TSPEAR: variants seen among roughly 807,000 people sequenced by gnomAD.
TSPEAR encodes the protein thrombospondin-type laminin G domain and EAR repeat-containing protein.
Under a neutral mutation model 71.6 loss-of-function variants are expected in TSPEAR, and 69 were observed. The observed-to-expected ratio is 0.96, with a 90% CI of 0.79 to 1.18. The LOEUF (loss-of-function observed/expected upper bound fraction) is 1.18. Ranked by LOEUF, TSPEAR falls within the 50% of genes most tolerant of loss-of-function variation. The pLI is 0.00. For synonymous variants in TSPEAR, 402 were observed against 387.2 expected (o/e 1.04, Z -0.45); for missense variants, 971 against 894.9 (o/e 1.09, Z -1.09).
At chr21:44,592,004 A>G (rs1569206554) in intron 1 of TSPEAR, 1 of 1,607,666 alleles carries the variant, frequency 6.2e-7, no homozygotes, top group Non-Finnish European at 8.5e-7. Context: ...ACAGGCTTGC[A>G]GCAGACGGGC....
At chr21:44,578,379 A>C (rs1389579426) in intron 1 of TSPEAR, among the ~76,000 whole-genome samples, 3 of 152,264 alleles carry the variant, frequency 2.0e-5, no homozygotes, top group African/African-American at 4.8e-5. Context: ...TCAATTGAAG[A>C]GACTGGACTC....
intron 2 of TSPEAR, among the ~76,000 whole-genome samples, chr21:44,545,600 A>G (rs1569177739): frequency 6.6e-6 from 1 of 152,168 alleles, no homozygotes; most frequent in Non-Finnish European, 1.5e-5. Flanking sequence ...AGAAAATAAC[A>G]GAAGAAAAAC....
At chr21:44,550,890 G>A (rs113146284) in intron 2 of TSPEAR, 1 of 1,025,476 alleles carries the variant, frequency 9.8e-7, no homozygotes, top group African/African-American at 1.9e-5. Context: ...GCAGCAGACA[G>A]GCTTGCAGCA....
At chr21:44,571,405 C>G (rs458178) in intron 1 of TSPEAR, among the ~76,000 whole-genome samples, 104,740 of 152,194 alleles carry the variant, frequency 0.69, 37,158 homozygotes, top group Non-Finnish European at 0.78. Context: ...AGCACCAACA[C>G]GATTCTTAGT....
At chr21:44,652,047 G>A (rs1030647704) in intron 1 of TSPEAR, among the ~76,000 whole-genome samples, 54 of 146,818 alleles carry the variant, frequency 3.7e-4, no homozygotes, top group African/African-American at 8.4e-4. Context: ...GCAGTGGCGC[G>A]ATCTCGGCTC....
chr21:44,573,766 T>A (rs782104614), intron 1 of TSPEAR: 6 of 1,613,666 alleles, frequency 3.7e-6, no homozygotes, highest in South Asian at 3.3e-5. Flanking sequence ...ACCATGTCCG[T>A]CTGCTCCAGC....
chr21:44,643,938 C>G (rs1555939003), intron 1 of TSPEAR, among the ~76,000 whole-genome samples: 1 of 152,238 alleles, frequency 6.6e-6, no homozygotes, highest in African/African-American at 2.4e-5. Context: ...GGGCAGCCAG[C>G]CACGACGAAA....
chr21:44,502,899 G>A (rs1569147292), intron 11 of TSPEAR, among the ~76,000 whole-genome samples: 1 of 149,008 alleles, frequency 6.7e-6, no homozygotes. Context: ...TGAGCCCTCG[G>A]GGAAGTAAGG....
At chr21:44,681,827 T>A in intron 1 of TSPEAR, 1 of 1,604,802 alleles carries the variant, frequency 6.2e-7, no homozygotes. Flanking sequence ...GTCTGGAGAT[T>A]CATGCTCAGC....
chr21:44,518,334 T>G (rs1208821596), intron 9 of TSPEAR: 2 of 466,556 alleles, frequency 4.3e-6, no homozygotes, highest in African/African-American at 4.0e-5. Context: ...GCTGGCCAGG[T>G]ACGCTCTGGG....
At chr21:44,644,213 A>G (rs1232110982) in intron 1 of TSPEAR, among the ~76,000 whole-genome samples, 4 of 152,234 alleles carry the variant, frequency 2.6e-5, no homozygotes, top group African/African-American at 9.6e-5. Flanking sequence ...TCCATGATCC[A>G]AAAAGTCATG....
intron 1 of TSPEAR, among the ~76,000 whole-genome samples, chr21:44,708,605 T>C (rs1555952979): frequency 6.6e-6 from 1 of 152,208 alleles, no homozygotes. Context: ...CAGTGCCTTC[T>C]CCAGCTCCTG....
chr21:44,539,457 C>T lies in TSPEAR; in HGVS notation c.304-5534G>A, dbSNP rs587660261. 39 of 1,613,208 alleles carry T rather than the reference C, an allele frequency of 2.4e-5. No homozygotes were observed. The highest frequency in any genetic ancestry group is 1.5e-4 in the South Asian group (14 of 91,058). On this transcript the variant is annotated intron_variant, in intron 2 of 11. Transcript: ENST00000323084. Reference sequence around the variant, plus strand: ...CATACAGGGCGGCAGAGGAGGGACACGGAGGAGGAGGGTCTGCAGCAGGAG... The same window carrying T: ...CATACAGGGCGGCAGAGGAGGGACATGGAGGAGGAGGGTCTGCAGCAGGAG...
At position 44,509,370 on chromosome 21, in the gene TSPEAR, T is replaced by G; in HGVS notation, c.1583A>C (p.Asp528Ala). The part of the protein sequence containing the change: ...FQSFPTFGAA[D>A]WEVFQIGERI... ...CTCCCCGATCTGGAAGACCTCCCAGTCTGCAGCACCGAACGTCTAGGACCA... is the reference window on the plus strand; with the variant it reads ...CTCCCCGATCTGGAAGACCTCCCAGGCTGCAGCACCGAACGTCTAGGACCA... Residue 528 changes from aspartate to alanine, a missense_variant, in exon 10 of 12, where the codon GAC (aspartate) becomes GCC (alanine). Asp to Ala is a moderately radical substitution (Grantham distance 126). Transcript: ENST00000323084. The G allele has an allele frequency of 1.9e-6, 3 of 1,612,760 alleles. No homozygotes were observed. Among genetic ancestry groups the G allele is most frequent in the Non-Finnish European group, 2.5e-6 (3 of 1,179,738 alleles).
At chr21:44,569,625 G>A (rs1442787245) in intron 1 of TSPEAR, among the ~76,000 whole-genome samples, 1 of 152,170 alleles carries the variant, frequency 6.6e-6, no homozygotes, top group Non-Finnish European at 1.5e-5. Flanking sequence ...TTTAGGACAG[G>A]AGAATGTATT....
intron 1 of TSPEAR, among the ~76,000 whole-genome samples, chr21:44,707,000 C>T (rs1484529409): frequency 6.6e-6 from 1 of 152,258 alleles, no homozygotes; most frequent in Admixed American, 6.5e-5. Context: ...CCCGCTTTCA[C>T]GTCCGCCCCT....
intron 1 of TSPEAR, among the ~76,000 whole-genome samples, chr21:44,624,739 T>C (rs1221661860): frequency 1.3e-5 from 2 of 152,250 alleles, no homozygotes; most frequent in Non-Finnish European, 2.9e-5. Context: ...TATGTTTTTG[T>C]CTTCCAATTG....
rs1250037878 is a variant in TSPEAR at position 44,676,849 on chromosome 21, G to A, written c.82+34584C>T. 6.2e-5 allele frequency: 59 copies of A among 948,642 alleles called. 1 individual carries two copies. The highest frequency in any genetic ancestry group is 5.5e-4 in the South Asian group (43 of 78,034). The allele number at this position is 948,642 out of a possible 1,614,324, so 58.8% of individuals were successfully genotyped here. On this transcript the variant is annotated intron_variant, in intron 1 of 11. Transcript: ENST00000323084. The stretch of plus-strand genomic sequence containing the variant: ...CAGCGTTTGTTTCTCCAAGGCTAAT[G>A]TGATGTGCTGCTTTTCTGTGGCCTT...
At chr21:44,539,217 C>T in intron 2 of TSPEAR, 6 of 1,545,242 alleles carry the variant, frequency 3.9e-6, no homozygotes, top group Non-Finnish European at 4.3e-6. Flanking sequence ...GTGGGGGAAG[C>T]CACCTAACCC....
Sources: allele counts gnomAD v4.1 joint callset (sites outside exome capture counted in the v4.1 genomes callset), GRCh38; gene constraint gnomAD v4.1.1; transcripts MANE v1.5; gene names NCBI Gene and HGNC (gene_info 2026-07-23, HGNC 2026-07-21).